The following STK32B variants were observed in gnomAD, a reference collection of about 807,000 sequenced individuals.
STK32B encodes serine/threonine-protein kinase 32B.
A neutral mutation model predicts 52.6 loss-of-function variants in STK32B; 43 were observed. That is an observed-to-expected ratio of 0.82 (90% CI 0.64 to 1.05). The LOEUF (loss-of-function observed/expected upper bound fraction) is 1.05, where lower values mean the gene tolerates loss of function less well. STK32B is among the 50% of genes least tolerant of loss of function. The probability of loss-of-function intolerance (pLI) is 0.00; values close to 1 mark genes in which losing one functional copy is unlikely to be tolerated. For missense variants in STK32B, 621 were observed against 534.6 expected (o/e 1.16, Z -1.59); for synonymous variants, 238 against 204.3 (o/e 1.17, Z -1.41).
chr4:5,159,816 T>G (rs1386398171), intron 2 of STK32B, among the ~76,000 whole-genome samples: 1 of 149,990 alleles, frequency 6.7e-6, no homozygotes, highest in African/African-American at 2.4e-5. Flanking sequence ...TATATGTTAT[T>G]GGAGTTTGAT....
At chr4:5,420,837 ATTGATG>A (rs1712569612) in intron 6 of STK32B, among the ~76,000 whole-genome samples, 1 of 152,132 alleles carries the variant, frequency 6.6e-6, no homozygotes, top group East Asian at 1.9e-4. Context: ...CGAAAAGCAA[ATTGATG>A]TCAAGGAGTG....
Position 5,338,777 on chromosome 4 carries a change from C to G in STK32B, c.434+7384C>G, listed in dbSNP as rs73211143. ...CATCTGCTCTTAGATTCCAGATCTA[C>G]CCTGGGGAAAAGGAGATATCCAGTA... On this transcript the variant is annotated intron_variant, in intron 4 of 11. Coordinates refer to ENST00000282908, the MANE Select transcript of STK32B (RefSeq NM_018401.3). 1.3e-3 allele frequency among the ~76,000 whole-genome samples: 198 copies of G among 152,290 alleles called. 1 individual carries two copies. Among genetic ancestry groups the G allele is most frequent in the Non-Finnish European group, 2.2e-3 (147 of 68,024 alleles).
At chr4:5,374,029 A>G (rs1735422643) in intron 4 of STK32B, among the ~76,000 whole-genome samples, 1 of 152,216 alleles carries the variant, frequency 6.6e-6, no homozygotes, top group African/African-American at 2.4e-5. Context: ...AAATCCAATG[A>G]CTGATGTCTT....
intron 4 of STK32B, among the ~76,000 whole-genome samples, chr4:5,350,011 A>G (rs1733725584): frequency 6.6e-6 from 1 of 152,220 alleles, no homozygotes; most frequent in Non-Finnish European, 1.5e-5. Context: ...GGATATTCAA[A>G]TTTTCAGTGT....
intron 4 of STK32B, chr4:5,345,307 C>A (rs1387727840): frequency 7.9e-6 from 1 of 126,150 alleles, no homozygotes; most frequent in South Asian, 2.7e-4. Flanking sequence ...AGTTATAATT[C>A]TCCTTTTTTT....
intron 6 of STK32B, 22 bp from the exon 7 acceptor site, chr4:5,446,651 C>G (rs141275544): frequency 1.9e-6 from 3 of 1,598,620 alleles, no homozygotes; most frequent in Non-Finnish European, 1.7e-6. Context: ...CAATGATGTT[C>G]TCCTTGTCCT....
intron 3 of STK32B, 52 bp from the exon 4 acceptor site, chr4:5,331,168 G>T: frequency 6.6e-7 from 1 of 1,526,592 alleles, no homozygotes; most frequent in South Asian, 1.3e-5. Flanking sequence ...TGGTCTTGAG[G>T]GTGCTGAAGG....
intron 3 of STK32B, among the ~76,000 whole-genome samples, chr4:5,295,969 T>TTTG (rs879198188): frequency 6.6e-6 from 1 of 151,860 alleles, no homozygotes; most frequent in Non-Finnish European, 1.5e-5. Flanking sequence ...GTGTTGTGTC[T>TTTG]TTCTCGTTGG....
rs148677817 is a variant in STK32B at position 5,456,855 on chromosome 4, A to G, written c.715A>G (p.Met239Val). Residue 239 changes from methionine (M) to valine (V), a missense_variant, in exon 8 of 12, where the codon ATG becomes GTG. Physicochemically the swap from Met to Val is conservative, Grantham distance 21 (BLOSUM62 1). Transcript: ENST00000282908. ...SVTPIDEILN[M>V]FKVERVHYSS... Reference sequence around the variant, plus strand: ...CACGCCCATCGATGAAATCCTCAACATGTTCAAGGTGGAGCGTGTCCACTA... The same window carrying G: ...CACGCCCATCGATGAAATCCTCAACGTGTTCAAGGTGGAGCGTGTCCACTA... The G allele has an allele frequency of 4.3e-5, 68 of 1,598,346 alleles. No homozygotes were observed. The highest frequency in any genetic ancestry group is 5.6e-5 in the Non-Finnish European group (66 of 1,170,858).
chr4:5,191,704 C>T (rs973741423), intron 3 of STK32B, among the ~76,000 whole-genome samples: 3 of 152,150 alleles, frequency 2.0e-5, no homozygotes, highest in Non-Finnish European at 4.4e-5. Context: ...CCTGCTTCGT[C>T]GGCTGAGAAT....
intron 4 of STK32B, among the ~76,000 whole-genome samples, chr4:5,384,446 A>G (rs1736117675): frequency 6.6e-6 from 1 of 151,962 alleles, no homozygotes; most frequent in Non-Finnish European, 1.5e-5. Flanking sequence ...TGCCCTCTAA[A>G]ATGGAGAATG....
At chr4:5,313,272 A>G (rs1730435468) in intron 3 of STK32B, among the ~76,000 whole-genome samples, 1 of 152,042 alleles carries the variant, frequency 6.6e-6, no homozygotes, top group Admixed American at 6.6e-5. Flanking sequence ...TCAACAAGCT[A>G]AAGAAAAAAT....
intron 3 of STK32B, among the ~76,000 whole-genome samples, chr4:5,266,125 T>C (rs1727042247): frequency 6.6e-6 from 1 of 152,202 alleles, no homozygotes; most frequent in African/African-American, 2.4e-5. Context: ...AAGTTTAGGA[T>C]TTAAACCAAG....
At chr4:5,199,222 T>C (rs1456171804) in intron 3 of STK32B, among the ~76,000 whole-genome samples, 1 of 152,138 alleles carries the variant, frequency 6.6e-6, no homozygotes, top group Non-Finnish European at 1.5e-5. Flanking sequence ...ACATGCACGG[T>C]GGTTGTTTGT....
At chr4:5,359,513 A>G (rs1236614095) in intron 4 of STK32B, among the ~76,000 whole-genome samples, 1 of 152,138 alleles carries the variant, frequency 6.6e-6, no homozygotes, top group Non-Finnish European at 1.5e-5. Flanking sequence ...ATCTTAGTGC[A>G]TATGTTCTAG....
chr4:5,113,022 G>T (rs1401227248), intron 1 of STK32B, among the ~76,000 whole-genome samples: 1 of 152,160 alleles, frequency 6.6e-6, no homozygotes, highest in African/African-American at 2.4e-5. Flanking sequence ...ATGTATAGTA[G>T]ATGAGATGGA....
chr4:5,048,352 G>C (rs960763905), upstream of STK32B, among the ~76,000 whole-genome samples: 2 of 148,110 alleles, frequency 1.4e-5, no homozygotes, highest in Non-Finnish European at 3.0e-5. Context: ...CCAGGCTGGA[G>C]TGCGATGGCG....
intron 2 of STK32B, among the ~76,000 whole-genome samples, chr4:5,141,949 T>A (rs1367562532): frequency 6.6e-6 from 1 of 151,400 alleles, no homozygotes; most frequent in East Asian, 1.9e-4. Flanking sequence ...AGAGAAGGAC[T>A]TCCCCCCTGG....
chr4:5,055,828 C>A (rs1157640958), intron 1 of STK32B, among the ~76,000 whole-genome samples: 4 of 152,032 alleles, frequency 2.6e-5, no homozygotes, highest in Admixed American at 2.6e-4. Context: ...CATTGACCAC[C>A]CTACTTAAAA....
Sources: gnomAD v4.1 joint callset for allele counts (sites outside exome capture counted in the v4.1 genomes callset) on GRCh38, gnomAD v4.1.1 for gene constraint, MANE v1.5 for transcripts, NCBI Gene and HGNC (gene_info 2026-07-23, HGNC 2026-07-21) for gene names.